Variants in TNS3 observed in about 807,000 individuals in gnomAD.
The protein encoded by TNS3 is tensin-3.
In TNS3, 45 loss-of-function variants were observed where a neutral mutation model predicts 140.9. The observed-to-expected ratio is 0.32, with a 90% CI of 0.25 to 0.41. The LOEUF (loss-of-function observed/expected upper bound fraction) is 0.41. Ranked by LOEUF, TNS3 falls within the 10% of genes least tolerant of loss-of-function variation. The probability of loss-of-function intolerance (pLI) is 1.00; values close to 1 mark genes in which losing one functional copy is unlikely to be tolerated. For synonymous variants in TNS3, 815 were observed against 788.4 expected, an observed-to-expected ratio of 1.03 and a Z score of -0.56; for missense variants, 1,716 against 1,906.7, an observed-to-expected ratio of 0.90 and a Z score of 1.86.
At chr7:47,324,937 G>C (rs567098744) in intron 20 of TNS3, among the ~76,000 whole-genome samples, 30 of 152,090 alleles carry the variant, frequency 2.0e-4, no homozygotes, top group Middle Eastern at 6.8e-3. Flanking sequence ...CTCCAGTCAA[G>C]TGCAGCATGA....
chr7:47,391,551 A>G (rs527557452), intron 16 of TNS3, among the ~76,000 whole-genome samples: 9 of 152,298 alleles, frequency 5.9e-5, no homozygotes, highest in African/African-American at 2.2e-4. Flanking sequence ...AAGCACCCCA[A>G]TGGGGAGTGT....
At chr7:47,429,351 A>C (rs1470640117) in intron 8 of TNS3, among the ~76,000 whole-genome samples, 1 of 149,964 alleles carries the variant, frequency 6.7e-6, no homozygotes, top group Non-Finnish European at 1.5e-5. Context: ...GGGACTGAAA[A>C]GTGTAAAATA....
chr7:47,446,112 C>CTTTTG (rs938099437), intron 4 of TNS3, among the ~76,000 whole-genome samples: 12 of 152,066 alleles, frequency 7.9e-5, no homozygotes, highest in South Asian at 4.2e-4. Context: ...GTGTTTTTTT[C>CTTTTG]TTTTGTTTTG....
At chr7:47,355,016 G>A (rs1228046519) in intron 17 of TNS3, among the ~76,000 whole-genome samples, 1 of 151,950 alleles carries the variant, frequency 6.6e-6, no homozygotes, top group Non-Finnish European at 1.5e-5. Context: ...TATAAAATGG[G>A]ACACATGCCC....
At chr7:47,438,203 G>T (rs1424245429) in intron 6 of TNS3, among the ~76,000 whole-genome samples, 4 of 152,314 alleles carry the variant, frequency 2.6e-5, no homozygotes, top group Admixed American at 6.5e-5. Flanking sequence ...AAGGGGGGGC[G>T]CTGCTTTGTG....
intron 1 of TNS3, among the ~76,000 whole-genome samples, chr7:47,544,186 G>A (rs1195460417): frequency 1.3e-5 from 2 of 151,482 alleles, no homozygotes; most frequent in African/African-American, 2.4e-5. Flanking sequence ...CCTCCCTTCA[G>A]AGGAGCAGGA....
rs779063320 is a variant in TNS3, at chr7:47,413,922, A to G, written c.647+15T>C. The G allele has an allele frequency of 6.2e-7, 1 of 1,613,704 alleles. No homozygotes were observed. The highest frequency in any genetic ancestry group is 8.5e-7 in the Non-Finnish European group (1 of 1,179,984). On this transcript the variant is annotated intron_variant, in intron 12 of 30. Coordinates refer to ENST00000311160, the MANE Select transcript of TNS3 (RefSeq NM_022748.12). ...CAGGTCCCACAACAGCAGCAGCAGC[A>G]GCAGCAGCACTCACTAGATCCCGGA...
intron 16 of TNS3, among the ~76,000 whole-genome samples, chr7:47,385,778 C>T (rs1481256751): frequency 6.6e-6 from 1 of 152,184 alleles, no homozygotes; most frequent in Admixed American, 6.5e-5. Context: ...GGTGGCTCCC[C>T]CGCCGCTTTT....
intron 1 of TNS3, among the ~76,000 whole-genome samples, chr7:47,576,391 AAC>A (rs1284396663): frequency 2.6e-5 from 4 of 152,162 alleles, no homozygotes; most frequent in Admixed American, 6.5e-5. Context: ...ACAAATGACA[AAC>A]ACAGTCACAA....
At chr7:47,469,803 G>A (rs1179224402) in intron 4 of TNS3, among the ~76,000 whole-genome samples, 1 of 151,900 alleles carries the variant, frequency 6.6e-6, no homozygotes, top group African/African-American at 2.4e-5. Context: ...GTGAAACACT[G>A]TCCCTGATAA....
chr7:47,347,154 GTTTAGA>G (rs1384716815), intron 17 of TNS3, among the ~76,000 whole-genome samples: 1 of 152,188 alleles, frequency 6.6e-6, no homozygotes, highest in East Asian at 1.9e-4. Context: ...GTCCCCTACA[GTTTAGA>G]TTTAAACTAT....
chr7:47,292,599 T>A (rs1404108167), intron 26 of TNS3, among the ~76,000 whole-genome samples: 1 of 152,242 alleles, frequency 6.6e-6, no homozygotes, highest in Non-Finnish European at 1.5e-5. Context: ...AAATCTTTCA[T>A]CAAAATCCAT....
intron 1 of TNS3, among the ~76,000 whole-genome samples, chr7:47,560,526 G>T (rs566409967): frequency 6.6e-6 from 1 of 152,046 alleles, no homozygotes; most frequent in African/African-American, 2.4e-5. Flanking sequence ...CTTCTCACCC[G>T]GTGGCATTCT....
chr7:47,550,928 G>A (rs999177790), intron 1 of TNS3, among the ~76,000 whole-genome samples: 4 of 152,180 alleles, frequency 2.6e-5, no homozygotes, highest in African/African-American at 7.2e-5. Flanking sequence ...CCACTCCTGA[G>A]GAGTCATGCC....
chr7:47,365,368 C>T (rs1337946292), intron 17 of TNS3, among the ~76,000 whole-genome samples: 3 of 151,654 alleles, frequency 2.0e-5, no homozygotes, highest in Non-Finnish European at 4.4e-5. Context: ...TCATTTGAAC[C>T]CAGGAGGCGG....
chr7:47,429,445 G>T (rs1794819419), intron 8 of TNS3, among the ~76,000 whole-genome samples: 1 of 152,068 alleles, frequency 6.6e-6, no homozygotes, highest in East Asian at 1.9e-4. Flanking sequence ...TCGGCTCACT[G>T]TAAGCTCCGC....
chr7:47,328,550 C>T (rs1369508575), intron 20 of TNS3, among the ~76,000 whole-genome samples: 2 of 151,852 alleles, frequency 1.3e-5, no homozygotes, highest in African/African-American at 4.8e-5. Flanking sequence ...CAGAGAGAGG[C>T]TTCCAGCAAC....
chr7:47,415,666 G>A (rs370455248), intron 10 of TNS3, among the ~76,000 whole-genome samples: 77 of 152,302 alleles, frequency 5.1e-4, no homozygotes, highest in African/African-American at 1.8e-3. Flanking sequence ...GCTCATACTC[G>A]AGAGCCCTAA....
chr7:47,369,679 C>A, intron 16 of TNS3, 58 bp from the exon 17 acceptor site: 1 of 1,495,866 alleles, frequency 6.7e-7, no homozygotes, highest in South Asian at 1.3e-5. Flanking sequence ...GAGCCTCACA[C>A]CCTCTGAATG....
Sources: allele counts gnomAD v4.1 joint callset (sites outside exome capture counted in the v4.1 genomes callset), GRCh38; gene constraint gnomAD v4.1.1; transcripts MANE v1.5; gene names NCBI Gene and HGNC (gene_info 2026-07-23, HGNC 2026-07-21).